The following SLC36A1 variants were observed in gnomAD, a reference collection of about 807,000 sequenced individuals.
The protein encoded by SLC36A1 is solute carrier family 36 member 1.
Under a neutral mutation model 47.5 loss-of-function variants are expected in SLC36A1, and 30 were observed. The ratio of observed to expected loss-of-function variants is 0.63; its 90% confidence interval spans 0.47 to 0.86. The LOEUF is 0.86. SLC36A1 is among the 40% of genes least tolerant of loss of function. The pLI, the probability that SLC36A1 is intolerant of heterozygous loss-of-function variation, is 0.00. For missense variants in SLC36A1, 517 were observed against 606.0 expected (o/e 0.85, Z 1.54); for synonymous variants, 255 against 249.7 (o/e 1.02, Z -0.20).
upstream of SLC36A1, among the ~76,000 whole-genome samples, chr5:151,445,581 A>G (rs1752869203): frequency 6.6e-6 from 1 of 152,270 alleles, no homozygotes; most frequent in African/African-American, 2.4e-5. Context: ...GGTAGAAGTC[A>G]GCTGTGAAGC....
chr5:151,516,487 G>T, the SLC36A1 span, among the ~76,000 whole-genome samples: 4 of 152,178 alleles, frequency 2.6e-5, no homozygotes, highest in African/African-American at 9.7e-5. Context: ...CTGCCCTCCA[G>T]CCTGGGCGAC....
At chr5:151,520,243 C>T in the SLC36A1 span, among the ~76,000 whole-genome samples, 1 of 152,244 alleles carries the variant, frequency 6.6e-6, no homozygotes, top group African/African-American at 2.4e-5. Flanking sequence ...ATGTCACTTT[C>T]CTTTAGCCAA....
chr5:151,484,131 G>A (rs1384511581), intron 10 of SLC36A1, among the ~76,000 whole-genome samples: 1 of 152,166 alleles, frequency 6.6e-6, no homozygotes, highest in Non-Finnish European at 1.5e-5. Flanking sequence ...ACAGAGTGGA[G>A]CATCTCTCTG....
At chr5:151,540,901 C>G in the SLC36A1 span, 20 of 670,860 alleles carry the variant, frequency 3.0e-5, no homozygotes, top group African/African-American at 3.1e-4. Flanking sequence ...TAGGAACCCA[C>G]GATTCTACAC....
chr5:151,376,895 AGT>A, the SLC36A1 span, among the ~76,000 whole-genome samples: 1 of 152,184 alleles, frequency 6.6e-6, no homozygotes, highest in African/African-American at 2.4e-5. Flanking sequence ...GGCTTCCCAA[AGT>A]GCTGGGATTA....
the SLC36A1 span, chr5:151,509,925 C>G: frequency 2.1e-6 from 3 of 1,432,026 alleles, no homozygotes; most frequent in African/African-American, 2.8e-5. Context: ...CCCTGCAGCA[C>G]TCTCCCCTGG....
chr5:151,474,298 C>T (rs1757757358), intron 8 of SLC36A1, among the ~76,000 whole-genome samples: 2 of 151,702 alleles, frequency 1.3e-5, no homozygotes, highest in African/African-American at 4.8e-5. Flanking sequence ...TGTTTACATT[C>T]AAGGCCCCTT....
chr5:151,536,825 C>T, the SLC36A1 span, among the ~76,000 whole-genome samples: 4 of 152,230 alleles, frequency 2.6e-5, no homozygotes, highest in East Asian at 1.9e-4. Context: ...TGCCTAAATC[C>T]TCCAGTGGCT....
At chr5:151,505,815 CAG>C in the SLC36A1 span, 84 of 1,613,542 alleles carry the variant, frequency 5.2e-5, no homozygotes, top group Middle Eastern at 1.6e-4. Context: ...CTCATTGAGA[CAG>C]GGGGCAACCA....
chr5:151,425,463 C>T, the SLC36A1 span: 1 of 152,502 alleles, frequency 6.6e-6, no homozygotes, highest in East Asian at 1.9e-4. Context: ...CCAGAGCCAA[C>T]TGCCTGGGGA....
the SLC36A1 span, among the ~76,000 whole-genome samples, chr5:151,412,197 G>A: frequency 6.9e-6 from 1 of 144,600 alleles, no homozygotes; most frequent in African/African-American, 2.5e-5. Context: ...AATGTCTCAA[G>A]ATATTTCCCA....
intron 10 of SLC36A1, among the ~76,000 whole-genome samples, chr5:151,484,455 G>T (rs532527024): frequency 6.6e-6 from 1 of 152,302 alleles, no homozygotes; most frequent in East Asian, 1.9e-4. Context: ...CCACCCTCAG[G>T]CAGGACGTGG....
intron 1 of SLC36A1, among the ~76,000 whole-genome samples, chr5:151,442,095 C>T (rs1331859394): frequency 7.1e-6 from 1 of 140,944 alleles, no homozygotes; most frequent in African/African-American, 2.8e-5. Context: ...TTTTGACATC[C>T]ATTTTGTAGC....
chr5:151,548,322 CATTA>C, the SLC36A1 span, among the ~76,000 whole-genome samples: 148 of 151,494 alleles, frequency 9.8e-4, 1 homozygote, highest in South Asian at 0.01. Context: ...TATTAAATAT[CATTA>C]ATTATGTATT....
At chr5:151,370,151 C>A in the SLC36A1 span, among the ~76,000 whole-genome samples, 16 of 152,152 alleles carry the variant, frequency 1.1e-4, no homozygotes, top group Non-Finnish European at 8.8e-5. Context: ...TCTGAACTCA[C>A]TGGAAATTTA....
At chr5:151,542,408 C>T in the SLC36A1 span, 12,452 of 1,614,174 alleles carry the variant, frequency 7.7e-3, 67 homozygotes, top group East Asian at 0.012. Context: ...TCTTCAGAAG[C>T]AAATCGGGGA....
In SLC36A1 at chr5:151,490,279, A is replaced by C. The variant is rs945687861; in HGVS notation, c.*2025A>C. On this transcript the variant is annotated 3_prime_UTR_variant, in exon 11 of 11. Coordinates refer to ENST00000243389, the MANE Select transcript of SLC36A1 (RefSeq NM_078483.4). ...TGAAGTCTCAGGCTTAGAAGTTACC[A>C]AAGTGGGCTCAGAAACTGTCATCTC... The C allele has an allele frequency of 2.6e-5, 4 of 152,242 alleles. No homozygotes were observed. In the East Asian group the frequency reaches 7.7e-4, roughly 29 times the overall value. 9.4% of individuals were successfully genotyped at this position (152,242 alleles called of 1,614,324 possible). A position where few individuals can be genotyped will look rare whatever the true frequency, so the allele number is the denominator to read the frequency against.
chr5:151,374,101 A>G, the SLC36A1 span, among the ~76,000 whole-genome samples: 19 of 152,318 alleles, frequency 1.2e-4, no homozygotes, highest in South Asian at 3.9e-3. Context: ...TCAGCAAGAT[A>G]GCAGAAGCAG....
At chr5:151,462,667 T>C (rs1755705368) in intron 2 of SLC36A1, among the ~76,000 whole-genome samples, 1 of 142,470 alleles carries the variant, frequency 7.0e-6, no homozygotes, top group Admixed American at 7.1e-5. Flanking sequence ...CTGGCCTGAC[T>C]TTTTTTTTTT....
Sources: allele counts gnomAD v4.1 joint callset (sites outside exome capture counted in the v4.1 genomes callset), GRCh38; gene constraint gnomAD v4.1.1; transcripts MANE v1.5; gene names NCBI Gene and HGNC (gene_info 2026-07-23, HGNC 2026-07-21).